Variants in SDK1 observed in about 807,000 individuals in gnomAD.
The protein encoded by SDK1 is protein sidekick-1.
In SDK1, 157 loss-of-function variants were observed where a neutral mutation model predicts 245.5. That is an observed-to-expected ratio of 0.64 (90% CI 0.56 to 0.73). The LOEUF (loss-of-function observed/expected upper bound fraction) is 0.73. Among genes scored for constraint, SDK1 ranks in the 30% least tolerant of loss-of-function variants. SDK1 has a pLI of 0.00. For synonymous variants in SDK1, 1,647 were observed against 1,278.5 expected (o/e 1.29, Z -6.15); for missense variants, 3,583 against 3,002.3 (o/e 1.19, Z -4.52).
At chr7:3,617,045 G>C (rs1244846866) in intron 1 of SDK1, among the ~76,000 whole-genome samples, 1 of 152,156 alleles carries the variant, frequency 6.6e-6, no homozygotes, top group Non-Finnish European at 1.5e-5. Flanking sequence ...GTAGCATTGA[G>C]CAAGTTATTT....
chr7:4,245,950 G>A, intron 44 of SDK1, 145 bp downstream of exon 44: 1 of 1,011,874 alleles, frequency 9.9e-7, no homozygotes, highest in Non-Finnish European at 1.4e-6. Context: ...TCATTATGCA[G>A]ATGAGAAAAG....
chr7:4,129,924 A>C lies in SDK1; in HGVS notation c.3956A>C (p.Lys1319Thr), dbSNP rs192462595. The C allele has an allele frequency of 6.2e-7, 1 of 1,613,610 alleles. No homozygotes were observed. The highest frequency in any genetic ancestry group is 1.7e-5 in the Admixed American group (1 of 59,996). ...ILGYKILFRA[K>T]DLDPEPRSHI... is the part of the protein sequence containing the mutation. ...ATACCACAGATCCTGTTCCGGGCCA[A>C]AGACCTGGATCCCGAGCCCAGGAGC... Residue 1319 changes from lysine to threonine, a missense_variant, in exon 27 of 45, where the codon AAA becomes ACA. Coordinates refer to ENST00000404826, the MANE Select transcript of SDK1 (RefSeq NM_152744.4).
At chr7:3,880,124 A>G (rs972914591) in intron 5 of SDK1, among the ~76,000 whole-genome samples, 2 of 152,236 alleles carry the variant, frequency 1.3e-5, no homozygotes, top group African/African-American at 4.8e-5. Context: ...TGTCATTATG[A>G]AAGGGTTTTT....
chr7:3,542,629 G>C (rs1779087268), intron 1 of SDK1, among the ~76,000 whole-genome samples: 1 of 152,134 alleles, frequency 6.6e-6, no homozygotes, highest in Admixed American at 6.5e-5. Context: ...AAATAAAAAT[G>C]TTTTAAAATG....
chr7:4,239,903 A>G (rs1011432999), intron 42 of SDK1, among the ~76,000 whole-genome samples: 3 of 152,226 alleles, frequency 2.0e-5, no homozygotes, highest in African/African-American at 4.8e-5. Context: ...GGAGCCAGGC[A>G]GAGTAGGTTC....
At chr7:3,975,027 C>A (rs550475920) in intron 13 of SDK1, among the ~76,000 whole-genome samples, 1 of 152,050 alleles carries the variant, frequency 6.6e-6, no homozygotes, top group Non-Finnish European at 1.5e-5. Flanking sequence ...TAAGTTAAGT[C>A]TTGTGAAATC....
intron 4 of SDK1, among the ~76,000 whole-genome samples, chr7:3,663,119 A>C (rs567914527): frequency 6.6e-6 from 1 of 152,340 alleles, no homozygotes; most frequent in South Asian, 2.1e-4. Context: ...TCCATATTTG[A>C]AAACAAAATC....
intron 34 of SDK1, among the ~76,000 whole-genome samples, chr7:4,178,133 C>T (rs1001552735): frequency 6.6e-6 from 1 of 152,226 alleles, no homozygotes; most frequent in Non-Finnish European, 1.5e-5. Flanking sequence ...TCACCCGCTA[C>T]TCACCTCCTG....
At chr7:4,202,161 G>A (rs545119356) in intron 35 of SDK1, among the ~76,000 whole-genome samples, 1 of 152,110 alleles carries the variant, frequency 6.6e-6, no homozygotes, top group African/African-American at 2.4e-5. Flanking sequence ...ACTCCGCCTG[G>A]CACCGTGATT....
chr7:3,360,580 T>C (rs960814321), intron 1 of SDK1, among the ~76,000 whole-genome samples: 5 of 152,228 alleles, frequency 3.3e-5, no homozygotes, highest in African/African-American at 1.2e-4. Flanking sequence ...TGATGAAAGA[T>C]ACAAATGTTT....
chr7:3,988,132 GTTTTTTTTTTTT>G lies in SDK1; in HGVS notation c.2131+824_2131+835del, dbSNP rs71032919. On this transcript the variant is annotated intron_variant, in intron 14 of 44. Coordinates refer to ENST00000404826, the MANE Select transcript of SDK1 (RefSeq NM_152744.4). ...TTCCCACTGCATCCATCTTTTTAAT[GTTTTTTTTTTTT>G]TTTTTTTTTTTTTACCTCACTCCTG... 3.2e-3 allele frequency among the ~76,000 whole-genome samples: 274 copies of G among 85,420 alleles called. 2 individuals are homozygous for G. In the South Asian group the frequency reaches 0.037, roughly 12 times the overall value. The allele number at this position is 85,420 out of a possible 152,430, so 56.0% of individuals were successfully genotyped here. A position where few individuals can be genotyped will look rare whatever the true frequency, so the allele number is the denominator to read the frequency against.
chr7:3,578,122 T>G (rs1399006233), intron 1 of SDK1, among the ~76,000 whole-genome samples: 1 of 152,046 alleles, frequency 6.6e-6, no homozygotes, highest in East Asian at 1.9e-4. Flanking sequence ...CCCCCAATAT[T>G]TCAACATAGG....
At chr7:3,842,602 G>A (rs959961580) in intron 5 of SDK1, among the ~76,000 whole-genome samples, 3 of 152,122 alleles carry the variant, frequency 2.0e-5, no homozygotes, top group Admixed American at 2.0e-4. Flanking sequence ...GTCCCATGGT[G>A]CTCCCACACT....
At chr7:3,803,996 C>T (rs1779177311) in intron 4 of SDK1, among the ~76,000 whole-genome samples, 1 of 152,100 alleles carries the variant, frequency 6.6e-6, no homozygotes, top group Non-Finnish European at 1.5e-5. Context: ...GATCTCCTGA[C>T]CTCGTGATCC....
intron 1 of SDK1, among the ~76,000 whole-genome samples, chr7:3,448,419 T>A (rs1780411483): frequency 6.6e-6 from 1 of 152,182 alleles, no homozygotes; most frequent in East Asian, 1.9e-4. Context: ...GGTTATTTAT[T>A]TTGGAAGTTT....
At chr7:3,660,005 C>T (rs1465035933) in intron 4 of SDK1, among the ~76,000 whole-genome samples, 3 of 152,042 alleles carry the variant, frequency 2.0e-5, no homozygotes, top group South Asian at 2.1e-4. Flanking sequence ...TTGAGATGCC[C>T]GTGAAGTATC....
chr7:3,709,054 A>G (rs1362671740), intron 4 of SDK1, among the ~76,000 whole-genome samples: 8 of 152,224 alleles, frequency 5.3e-5, no homozygotes, highest in Non-Finnish European at 7.3e-5. Flanking sequence ...TATGCTTTCA[A>G]GAAGTTCTAT....
At chr7:3,705,928 T>C (rs1247040049) in intron 4 of SDK1, among the ~76,000 whole-genome samples, 1 of 152,190 alleles carries the variant, frequency 6.6e-6, no homozygotes, top group African/African-American at 2.4e-5. Context: ...GCTTTTATTT[T>C]GAGGTAAGTC....
intron 40 of SDK1, chr7:4,227,514 A>T: frequency 2.2e-6 from 1 of 460,862 alleles, no homozygotes; most frequent in South Asian, 1.6e-5. Flanking sequence ...TTGGCCATTC[A>T]TACAAAAAGA....
Sources: gnomAD v4.1 joint callset for allele counts (sites outside exome capture counted in the v4.1 genomes callset) on GRCh38, gnomAD v4.1.1 for gene constraint, MANE v1.5 for transcripts, NCBI Gene and HGNC (gene_info 2026-07-23, HGNC 2026-07-21) for gene names.